Variants in C7 observed in about 807,000 individuals in gnomAD.
C7 encodes the protein complement C7.
C7 carries 83 observed loss-of-function variants against 104.8 expected under a neutral mutation model. The ratio of observed to expected loss-of-function variants is 0.79; its 90% CI spans 0.66 to 0.95. The LOEUF is 0.95. Ranked by LOEUF, C7 falls within the 40% of genes least tolerant of loss-of-function variation. The pLI is 0.00. For synonymous variants in C7, 415 were observed against 360.6 expected (o/e 1.15, Z -1.71); for missense variants, 1,070 against 1,011.2 (o/e 1.06, Z -0.79).
chr5:40,971,599 C>A (rs963587178), intron 14 of C7, among the ~76,000 whole-genome samples: 2 of 152,134 alleles, frequency 1.3e-5, no homozygotes, highest in Non-Finnish European at 2.9e-5. Flanking sequence ...AATTAGATCC[C>A]ATTTGTCAAT....
chr5:40,979,952 C>T, intron 17 of C7, 43 bp downstream of exon 17: 1 of 1,492,796 alleles, frequency 6.7e-7, no homozygotes, highest in Non-Finnish European at 9.0e-7. Flanking sequence ...ATGCTAAAGT[C>T]ACAGTACTGA....
intron 3 of C7, among the ~76,000 whole-genome samples, chr5:40,933,958 C>T (rs1361490272): frequency 1.4e-5 from 2 of 141,268 alleles, no homozygotes; most frequent in Non-Finnish European, 3.0e-5. Flanking sequence ...TTTTTTGAGA[C>T]GGTGTCTCAC....
Position 40,942,528 on chromosome 5 carries a change from G to A in C7, c.568-2670G>A, listed in dbSNP as rs1428296908. Among the ~76,000 whole-genome samples, 6 of 152,306 alleles carry A rather than the reference G, an allele frequency of 3.9e-5. 1 individual carries two copies. The South Asian group carries it at 1.2e-3, about 32-fold the overall frequency. On this transcript the variant is annotated intron_variant, in intron 6 of 17. Coordinates refer to ENST00000313164, the MANE Select transcript of C7 (RefSeq NM_000587.4). ...CTCTGAAGATGGGAGTTTTTGTAAA[G>A]AAAGAGGTAAGATCATCTTCTGAGA...
chr5:40,936,266 C>T lies in C7; in HGVS notation c.281-72C>T, dbSNP rs559441522. The T allele has an allele frequency of 1.6e-5, 23 of 1,448,370 alleles. No individual in the cohort carries two copies. The African/African-American group carries it at 2.7e-4, about 17-fold the overall frequency. The allele number at this position is 1,448,370 out of a possible 1,614,324, so 89.7% of individuals were successfully genotyped here. A position where few individuals can be genotyped will look rare whatever the true frequency, so the allele number is the denominator to read the frequency against. On this transcript the variant is annotated intron_variant, in intron 4 of 17. Coordinates refer to ENST00000313164, the MANE Select transcript of C7 (RefSeq NM_000587.4). ...GCAGTGTTACAGGTAGCAGGAAAACCCTTTTTGGTCCTGGGTAGTGTTTCT... is the reference window on the plus strand; with the variant it reads ...GCAGTGTTACAGGTAGCAGGAAAACTCTTTTTGGTCCTGGGTAGTGTTTCT...
At chr5:40,952,601 C>T (rs541903992) in intron 9 of C7, among the ~76,000 whole-genome samples, 27 of 152,090 alleles carry the variant, frequency 1.8e-4, no homozygotes, top group Non-Finnish European at 2.2e-4. Flanking sequence ...CCCATTAACT[C>T]GTCATTTACA....
chr5:40,963,854 G>A (rs1740483485), intron 13 of C7, among the ~76,000 whole-genome samples: 1 of 152,050 alleles, frequency 6.6e-6, no homozygotes, highest in South Asian at 2.1e-4. Flanking sequence ...ATAGTGTGGA[G>A]TAGGAGGGTA....
chr5:40,978,873 A>T (rs867939657), intron 16 of C7, among the ~76,000 whole-genome samples: 23 of 80,092 alleles, frequency 2.9e-4, no homozygotes, highest in African/African-American at 7.2e-4. Context: ...TTTTATGGAA[A>T]TTTTTTTTTT....
At chr5:40,950,807 G>A (rs962391658) in intron 9 of C7, among the ~76,000 whole-genome samples, 6 of 152,254 alleles carry the variant, frequency 3.9e-5, no homozygotes, top group Non-Finnish European at 7.4e-5. Flanking sequence ...TGGCTACTCC[G>A]TGGAGGTCAG....
chr5:40,952,419 G>A (rs72749559), intron 9 of C7, among the ~76,000 whole-genome samples: 1,673 of 152,232 alleles, frequency 0.011, 15 homozygotes, highest in South Asian at 0.017. Flanking sequence ...GCTCACTGGG[G>A]TATGGAAAGG....
chr5:40,952,820 A>G (rs955752306), intron 9 of C7, among the ~76,000 whole-genome samples: 14 of 152,200 alleles, frequency 9.2e-5, no homozygotes, highest in Non-Finnish European at 1.5e-4. Context: ...GCAGCCATAA[A>G]AAATGATGAG....
At chr5:40,962,971 T>A (rs1007031643) in intron 13 of C7, among the ~76,000 whole-genome samples, 12 of 151,956 alleles carry the variant, frequency 7.9e-5, no homozygotes, top group African/African-American at 2.7e-4. Flanking sequence ...TTCACGCAAG[T>A]GTGTGTGTGT....
At chr5:40,931,883 C>T (rs324055) in intron 3 of C7, among the ~76,000 whole-genome samples, 7,097 of 152,214 alleles carry the variant, frequency 0.047, 568 homozygotes, top group African/African-American at 0.16. Flanking sequence ...CTCAGCCTCC[C>T]AAGTAGCTGG....
rs565413162 is a variant in C7 at position 40,967,547 on chromosome 5, C to T, written c.1882+2674C>T. 8 of 157,324 alleles carry T rather than the reference C, an allele frequency of 5.1e-5. 2 individuals are homozygous for T. Among genetic ancestry groups the T allele is most frequent in the South Asian group, 3.7e-4 (2 of 5,450 alleles). The allele number at this position is 157,324 out of a possible 1,614,324, so 9.7% of individuals were successfully genotyped here. ...TGTGCATACACTGCACAGACTATCA[C>T]GTTCCCTTCTACACAGGTCTAAGCA... On this transcript the variant is annotated intron_variant, in intron 14 of 17. Coordinates refer to ENST00000313164, the MANE Select transcript of C7 (RefSeq NM_000587.4).
At chr5:40,936,276 C>T (rs940526700) in intron 4 of C7, 62 bp from the exon 5 acceptor site, 163 of 1,539,638 alleles carry the variant, frequency 1.1e-4, no homozygotes, top group Non-Finnish European at 1.3e-4. Flanking sequence ...CCTTTTTGGT[C>T]CTGGGTAGTG....
Position 40,981,536 on chromosome 5 carries a change from T to A in C7, c.2495T>A (p.Val832Asp). The stretch of plus-strand genomic sequence containing the variant: ...AGATGCAGAGGGCAGAGCATCTCTG[T>A]CACCAGCATAAGGCCTTGTGCTGCG... ...ALRCRGQSIS[V>D]TSIRPCAAET... The change falls in exon 18 of 18, where the codon GTC becomes GAC. Residue 832 changes from valine to aspartate, a missense_variant. Val to Asp is a radical substitution (Grantham distance 152). Coordinates refer to ENST00000313164, the MANE Select transcript of C7 (RefSeq NM_000587.4). The A allele has an allele frequency of 1.2e-6, 2 of 1,613,676 alleles. No individual in the cohort carries two copies. The highest frequency in any genetic ancestry group is 1.7e-6 in the Non-Finnish European group (2 of 1,179,738).
At chr5:40,936,870 A>T (rs549702117) in intron 5 of C7, among the ~76,000 whole-genome samples, 1 of 152,278 alleles carries the variant, frequency 6.6e-6, no homozygotes, top group Admixed American at 6.5e-5. Context: ...TAGAATGAGA[A>T]CAGGATGAGA....
intron 1 of C7, among the ~76,000 whole-genome samples, chr5:40,914,905 A>G (rs1739288253): frequency 6.6e-6 from 1 of 152,140 alleles, no homozygotes; most frequent in African/African-American, 2.4e-5. Context: ...TTGGCAGGAC[A>G]CGGATGTGTG....
chr5:40,938,664 A>G (rs993829471), intron 6 of C7, among the ~76,000 whole-genome samples: 4 of 152,168 alleles, frequency 2.6e-5, no homozygotes, highest in Non-Finnish European at 5.9e-5. Flanking sequence ...ATGCTTGCCA[A>G]CGTTGGTATT....
In C7 at chr5:40,981,500, C is replaced by A; in HGVS notation, c.2459C>A (p.Ala820Glu). 1 of 1,613,706 alleles carries A rather than the reference C, an allele frequency of 6.2e-7. No homozygotes were observed. The highest frequency in any genetic ancestry group is 8.5e-7 in the Non-Finnish European group (1 of 1,179,770). ...GAGCAGACGATGTCTGAGTGTGAGG[C>A]GGGCGCTCTGAGATGCAGAGGGCAG... ...GKEQTMSECE[A>E]GALRCRGQSI... is the part of the protein sequence containing the mutation. The change falls in exon 18 of 18, where the codon GCG (alanine) becomes GAG (glutamate). Residue 820 changes from alanine to glutamate, a missense_variant. Ala to Glu is a moderately radical substitution (Grantham distance 107). Transcript: ENST00000313164.
Sources: allele counts gnomAD v4.1 joint callset (sites outside exome capture counted in the v4.1 genomes callset), GRCh38; gene constraint gnomAD v4.1.1; transcripts MANE v1.5; gene names NCBI Gene and HGNC (gene_info 2026-07-23, HGNC 2026-07-21).